The following ANXA11 variants were observed in gnomAD, a reference collection of about 807,000 sequenced individuals.
ANXA11 encodes 56 kDa autoantigen.
A neutral mutation model predicts 64.7 loss-of-function variants in ANXA11; 57 were observed. The ratio of observed to expected loss-of-function variants is 0.88; its 90% confidence interval spans 0.71 to 1.10. The LOEUF (loss-of-function observed/expected upper bound fraction) is 1.10. Among genes scored for constraint, ANXA11 ranks in the 50% least tolerant of loss-of-function variants. ANXA11 has a pLI of 0.00. For synonymous variants in ANXA11, 260 were observed against 265.2 expected, an observed-to-expected ratio of 0.98 and a Z score of 0.19; for missense variants, 675 against 670.7, an observed-to-expected ratio of 1.01 and a Z score of -0.07.
At chr10:80,197,308 C>T (rs148795319) in intron 1 of ANXA11, among the ~76,000 whole-genome samples, 180 of 152,228 alleles carry the variant, frequency 1.2e-3, no homozygotes, top group African/African-American at 4.0e-3. Flanking sequence ...GGTTAAACCC[C>T]GGAAAGAGAA....
intron 1 of ANXA11, among the ~76,000 whole-genome samples, chr10:80,182,038 G>A (rs1435091989): frequency 6.6e-6 from 1 of 152,164 alleles, no homozygotes; most frequent in Non-Finnish European, 1.5e-5. Context: ...AGCACCCAAG[G>A]TTACACACTG....
At chr10:80,161,042 G>C (rs1339390672) in intron 12 of ANXA11, among the ~76,000 whole-genome samples, 1 of 152,104 alleles carries the variant, frequency 6.6e-6, no homozygotes, top group Non-Finnish European at 1.5e-5. Context: ...TTCGCTGCTT[G>C]GCCTTGCACC....
At position 80,153,441 on chromosome 10, in the gene ANXA11, T is replaced by C. The variant is rs1845190228; in HGVS notation, c.*2412A>G. The C allele has an allele frequency of 6.6e-6, 1 of 152,278 alleles. No homozygotes were observed. Among genetic ancestry groups the C allele is most frequent in the South Asian group, 2.1e-4 (1 of 4,832 alleles). The allele number at this position is 152,278 out of a possible 1,614,324, so 9.4% of individuals were successfully genotyped here. On this transcript the variant is annotated 3_prime_UTR_variant, in exon 16 of 16. Transcript: ENST00000422982. ...AGTAAATGTGTCTGTAGGTGCAATA[T>C]TGCCTGCTGGGCACCAGGCTGGGAA...
Position 80,155,678 on chromosome 10 carries a change from C to T in ANXA11, c.*175G>A, listed in dbSNP as rs138435504. ...AAGGCATCCTGAGAGAGTTCTAGAC[C>T]GACCCAGGTCCTGTGGCACACTATA... On this transcript the variant is annotated 3_prime_UTR_variant, in exon 16 of 16. Transcript: ENST00000422982. 9.5e-5 allele frequency: 63 copies of T among 661,858 alleles called. No homozygotes were observed. The highest frequency in any genetic ancestry group is 3.6e-4 in the Middle Eastern group (1 of 2,788). The allele number at this position is 661,858 out of a possible 1,614,324, so 41.0% of individuals were successfully genotyped here.
Position 80,157,623 on chromosome 10 carries a change from C to A in ANXA11, c.1458+18G>T. ...AGATGCCAAAAGGGAGCCCAGTTGG[C>A]CTGCAGCAGGCCCGTACCGAGATGT... On this transcript the variant is annotated intron_variant, in intron 15 of 15. Coordinates refer to ENST00000422982, the MANE Select transcript of ANXA11 (RefSeq NM_145868.2). The A allele has an allele frequency of 6.2e-7, 1 of 1,606,876 alleles. No homozygotes were observed. The highest frequency in any genetic ancestry group is 2.2e-5 in the East Asian group (1 of 44,694).
At chr10:80,158,270 G>C (rs1244754776) in intron 13 of ANXA11, among the ~76,000 whole-genome samples, 1 of 152,190 alleles carries the variant, frequency 6.6e-6, no homozygotes, top group Admixed American at 6.5e-5. Flanking sequence ...GCGGTGAAAG[G>C]ACCAAGAGTC....
intron 1 of ANXA11, among the ~76,000 whole-genome samples, chr10:80,182,575 T>C (rs1248141239): frequency 6.6e-6 from 1 of 152,222 alleles, no homozygotes; most frequent in Non-Finnish European, 1.5e-5. Flanking sequence ...GTGCAGAACA[T>C]GCAGGTTTGT....
chr10:80,160,458 T>C (rs1845461004), intron 12 of ANXA11, among the ~76,000 whole-genome samples: 1 of 152,166 alleles, frequency 6.6e-6, no homozygotes, highest in South Asian at 2.1e-4. Context: ...CCTGTCTCTG[T>C]GTGCAGCACA....
intron 7 of ANXA11, chr10:80,166,681 G>A (rs995277317): frequency 1.9e-5 from 11 of 584,518 alleles, no homozygotes; most frequent in Middle Eastern, 9.1e-4. Flanking sequence ...AGGGATAGAT[G>A]TCTGGAGCCT....
rs1845246417 is a variant in ANXA11 at position 80,155,714 on chromosome 10, G to C, written c.*139C>G. The C allele has an allele frequency of 1.3e-5, 11 of 853,768 alleles. No homozygotes were observed. In the Admixed American group the frequency reaches 2.0e-4, roughly 15 times the overall value. The allele number at this position is 853,768 out of a possible 1,614,324, so 52.9% of individuals were successfully genotyped here. Reference sequence around the variant, plus strand: ...CTGTGGCACACTATACGGGTCAGGAGGGGTGGAAGACAGGCCTAAGCTCTA... The same window carrying C: ...CTGTGGCACACTATACGGGTCAGGACGGGTGGAAGACAGGCCTAAGCTCTA... On this transcript the variant is annotated 3_prime_UTR_variant, in exon 16 of 16. Coordinates refer to ENST00000422982, the MANE Select transcript of ANXA11 (RefSeq NM_145868.2).
chr10:80,171,335 G>A (rs1044311172), intron 3 of ANXA11: 23 of 856,032 alleles, frequency 2.7e-5, no homozygotes, highest in African/African-American at 2.2e-4. Flanking sequence ...AGGCACTGGC[G>A]GGAGGGGGTT....
Position 80,169,233 on chromosome 10 carries a change from A to T in ANXA11, c.297T>A (p.Pro99=), listed in dbSNP as rs774871940. Residue 99 remains proline, a synonymous_variant, in exon 5 of 16, where the codon CCT becomes CCA. Coordinates refer to ENST00000422982, the MANE Select transcript of ANXA11 (RefSeq NM_145868.2). ...GTGGATACATCCCATAGGGAGGAACAGGCTGCTGGGCAGAGGGGGGCTGCC... is the reference window on the plus strand; with the variant it reads ...GTGGATACATCCCATAGGGAGGAACTGGCTGCTGGGCAGAGGGGGGCTGCC... ...GFGQPPSAQQ[P]VPPYGMYPPP... is the part of the protein sequence containing the mutation. 8 of 1,611,950 alleles carry T rather than the reference A, an allele frequency of 5.0e-6. No homozygotes were observed. In the African/African-American group the frequency reaches 9.3e-5, roughly 19 times the overall value.
At chr10:80,163,501 T>A (rs1845598981) in intron 10 of ANXA11, 33 bp downstream of exon 10, 1 of 1,599,882 alleles carries the variant, frequency 6.3e-7, no homozygotes. Context: ...TTCCATGGCT[T>A]GGGGGCCCCG....
chr10:80,189,880 G>A (rs1776887938), intron 1 of ANXA11, among the ~76,000 whole-genome samples: 1 of 151,884 alleles, frequency 6.6e-6, no homozygotes, highest in Non-Finnish European at 1.5e-5. Context: ...CCCATTGATG[G>A]ATGAATGGAT....
chr10:80,166,023 C>T (rs868718771), intron 8 of ANXA11, 61 bp downstream of exon 8: 41 of 1,043,708 alleles, frequency 3.9e-5, no homozygotes, highest in Middle Eastern at 4.1e-4. Flanking sequence ...CACGCATGCG[C>T]GCGTGCGCAC....
At chr10:80,188,651 G>A (rs552163635) in intron 1 of ANXA11, among the ~76,000 whole-genome samples, 2 of 151,814 alleles carry the variant, frequency 1.3e-5, no homozygotes, top group African/African-American at 2.4e-5. Flanking sequence ...TAACCTCTCC[G>A]AACCTCCATT....
rs769057528 is a variant in ANXA11, at chr10:80,166,238, C to A, written c.745-41G>T. On this transcript the variant is annotated intron_variant, in intron 7 of 15. Coordinates refer to ENST00000422982, the MANE Select transcript of ANXA11 (RefSeq NM_145868.2). Reference sequence around the variant, plus strand: ...AACAAACAACCAACAAAAAAAAAAACAAGTCTATTTAAAAAATCCACAGGA... The same window carrying A: ...AACAAACAACCAACAAAAAAAAAAAAAAGTCTATTTAAAAAATCCACAGGA... The A allele has an allele frequency of 6.8e-5, 79 of 1,163,536 alleles. No individual in the cohort carries two copies. Among genetic ancestry groups the A allele is most frequent in the African/African-American group, 4.1e-4 (26 of 63,534 alleles). The allele number at this position is 1,163,536 out of a possible 1,614,324, so 72.1% of individuals were successfully genotyped here.
chr10:80,169,555 G>A (rs766878549), intron 4 of ANXA11, among the ~76,000 whole-genome samples, 197 bp from the exon 5 acceptor site: 3 of 152,132 alleles, frequency 2.0e-5, no homozygotes, highest in African/African-American at 2.4e-5. Flanking sequence ...AGTGCGACTC[G>A]ATCCAAACCA....
At chr10:80,161,517 G>A (rs1371801547) in intron 12 of ANXA11, among the ~76,000 whole-genome samples, 3 of 152,240 alleles carry the variant, frequency 2.0e-5, no homozygotes, top group African/African-American at 4.8e-5. Flanking sequence ...CCCCCACCGT[G>A]GCCCCACACC....
Sources: gnomAD v4.1 joint callset for allele counts (sites outside exome capture counted in the v4.1 genomes callset) on GRCh38, gnomAD v4.1.1 for gene constraint, MANE v1.5 for transcripts, NCBI Gene and HGNC (gene_info 2026-07-23, HGNC 2026-07-21) for gene names.